ABL2: variants seen among roughly 807,000 people sequenced by gnomAD.
The protein encoded by ABL2 is ABL proto-oncogene 2, non-receptor tyrosine kinase, also known as tyrosine-protein kinase ABL2.
Under a neutral mutation model 107.7 loss-of-function variants are expected in ABL2, and 49 were observed. The ratio of observed to expected loss-of-function variants is 0.45; its 90% CI spans 0.36 to 0.58. The LOEUF (loss-of-function observed/expected upper bound fraction) is 0.58, where lower values mean the gene tolerates loss of function less well. Among genes scored for constraint, ABL2 ranks in the 20% least tolerant of loss-of-function variants. The pLI is 0.00. For missense variants in ABL2, 1,245 were observed against 1,457.0 expected, an observed-to-expected ratio of 0.85 and a Z score of 2.37; for synonymous variants, 549 against 548.6, an observed-to-expected ratio of 1.00 and a Z score of -0.01.
At chr1:179,153,688 C>CT (rs1349103223) in intron 1 of ABL2, among the ~76,000 whole-genome samples, 1 of 152,100 alleles carries the variant, frequency 6.6e-6, no homozygotes, top group African/African-American at 2.4e-5. Flanking sequence ...CCACCTGCAA[C>CT]TTTATTTTTG....
rs1653048900 is a variant in ABL2 at position 179,101,055 on chromosome 1, T to G, written c.*6663A>C. On this transcript the variant is annotated 3_prime_UTR_variant, in exon 12 of 12. Coordinates refer to ENST00000502732, the MANE Select transcript of ABL2 (RefSeq NM_007314.4). ...TCAGGAAACCACTTCAAGTGGCGGA[T>G]TCTCACAGATGGAGGATCTGGCCAC... 1 of 232,184 alleles carries G rather than the reference T, an allele frequency of 4.3e-6. No homozygotes were observed. The highest frequency in any genetic ancestry group is 8.5e-6 in the Non-Finnish European group (1 of 117,450). 14.4% of individuals were successfully genotyped at this position (232,184 alleles called of 1,614,324 possible). A position where few individuals can be genotyped will look rare whatever the true frequency, so the allele number is the denominator to read the frequency against.
intron 1 of ABL2, among the ~76,000 whole-genome samples, chr1:179,138,916 G>T (rs1465964609): frequency 6.6e-6 from 1 of 152,196 alleles, no homozygotes; most frequent in African/African-American, 2.4e-5. Context: ...CGTGGGCTTG[G>T]CGGGCCCCGC....
chr1:179,109,482 G>A (rs751903205), intron 11 of ABL2, 41 bp from the exon 12 acceptor site: 14 of 1,565,076 alleles, frequency 8.9e-6, no homozygotes, highest in Non-Finnish European at 1.2e-5. Context: ...AAGACAAGAA[G>A]TGAATCTATT....
chr1:179,157,769 A>G (rs182360744), intron 1 of ABL2, among the ~76,000 whole-genome samples: 2 of 151,628 alleles, frequency 1.3e-5, no homozygotes, highest in East Asian at 3.9e-4. Context: ...CAATGGTGCA[A>G]TCACGGCTTA....
At chr1:179,143,161 C>G in intron 1 of ABL2, 1 of 1,305,084 alleles carries the variant, frequency 7.7e-7, no homozygotes, top group South Asian at 2.0e-5. Context: ...ACTCAGTGGC[C>G]AGAGGGAACC....
At chr1:179,116,526 T>C (rs1461808997) in intron 8 of ABL2, among the ~76,000 whole-genome samples, 1 of 150,548 alleles carries the variant, frequency 6.6e-6, no homozygotes, top group Non-Finnish European at 1.5e-5. Flanking sequence ...TTTTTTTTGT[T>C]TGAGACAGAG....
At chr1:179,153,644 T>C (rs2816186) in intron 1 of ABL2, among the ~76,000 whole-genome samples, 53,713 of 151,904 alleles carry the variant, frequency 0.35, 9,834 homozygotes, top group East Asian at 0.48. Flanking sequence ...CAGGATAAGC[T>C]CCCCATCACA....
chr1:179,205,018 C>T (rs1661876985), intron 1 of ABL2, among the ~76,000 whole-genome samples: 1 of 145,922 alleles, frequency 6.9e-6, no homozygotes, highest in Non-Finnish European at 1.5e-5. Flanking sequence ...AAAGTCATTA[C>T]AACTCTTTTT....
At chr1:179,147,991 T>C (rs1042288537) in intron 1 of ABL2, among the ~76,000 whole-genome samples, 10 of 152,158 alleles carry the variant, frequency 6.6e-5, no homozygotes, top group African/African-American at 9.7e-5. Flanking sequence ...AATTGAAGGT[T>C]TGTGGCAACC....
rs748061721 is a variant in ABL2 at position 179,108,811 on chromosome 1, G to C, written c.2456C>G (p.Ser819Cys). Residue 819 changes from serine to cysteine, a missense_variant, in exon 12 of 12, where the codon TCT becomes TGT. Physicochemically the swap from Ser to Cys is moderately radical, Grantham distance 112. Transcript: ENST00000502732. ...KLQLERTVST[S>C]SQPEENVDRA... is the part of the protein sequence containing the mutation. ...GTCCACATTCTCTTCTGGCTGAGAA[G>C]AGGTGGACACTGTCCTTTCCAGCTG... 1.2e-6 allele frequency: 2 copies of C among 1,614,190 alleles called. No individual in the cohort carries two copies. The highest frequency in any genetic ancestry group is 2.7e-5 in the African/African-American group (2 of 75,056).
chr1:179,180,290 T>C (rs550155529), intron 1 of ABL2, among the ~76,000 whole-genome samples: 6 of 152,096 alleles, frequency 3.9e-5, no homozygotes, highest in African/African-American at 1.2e-4. Flanking sequence ...TGTTAAGGAG[T>C]TGGGACCTCA....
intron 1 of ABL2, among the ~76,000 whole-genome samples, chr1:179,154,572 C>T (rs377599215): frequency 6.6e-6 from 1 of 152,176 alleles, no homozygotes; most frequent in South Asian, 2.1e-4. Context: ...AATTATGTTT[C>T]TTCACCGGGG....
intron 1 of ABL2, among the ~76,000 whole-genome samples, chr1:179,181,336 G>A (rs1660363358): frequency 6.6e-6 from 1 of 152,188 alleles, no homozygotes; most frequent in South Asian, 2.1e-4. Context: ...TTCAACTTGA[G>A]ATTGCAATCT....
chr1:179,108,143 G>A lies in ABL2; in HGVS notation c.3124C>T (p.Pro1042Ser). The change falls in exon 12 of 12, where the codon CCT becomes TCT. Residue 1042 changes from proline (P) to serine (S), a missense_variant. Transcript: ENST00000502732. Reference sequence around the variant, plus strand: ...GTGGGCAGAGGCACTTGAGGTGGAGGCATCACTGGCCTCCCAGCTTTCCCA... The same window carrying A: ...GTGGGCAGAGGCACTTGAGGTGGAGACATCACTGGCCTCCCAGCTTTCCCA... ...ISGKAGRPVM[P>S]PPQVPLPTSS... 1.2e-6 allele frequency: 2 copies of A among 1,614,234 alleles called. No individual in the cohort carries two copies. The highest frequency in any genetic ancestry group is 1.7e-6 in the Non-Finnish European group (2 of 1,180,050).
At position 179,108,279 on chromosome 1, in the gene ABL2, C is replaced by T. The variant is rs150940806; in HGVS notation, c.2988G>A (p.Pro996=). 20 of 1,613,606 alleles carry T rather than the reference C, an allele frequency of 1.2e-5. No individual in the cohort carries two copies. Among genetic ancestry groups the T allele is most frequent in the Non-Finnish European group, 1.6e-5 (19 of 1,179,962 alleles). Residue 996 remains proline (P), a synonymous_variant, in exon 12 of 12, where the codon CCG becomes CCA. Transcript: ENST00000502732. ...CTTCTGTAGGGTCTGAGCAGATGGA[C>T]GGATGCTGCAGTAGTCTCATCACTG... ...PPPVMRLLQH[P]SICSDPTEEP...
chr1:179,124,781 C>T (rs1436928592), intron 4 of ABL2, among the ~76,000 whole-genome samples: 1 of 152,138 alleles, frequency 6.6e-6, no homozygotes, highest in Non-Finnish European at 1.5e-5. Flanking sequence ...CTGAACTATA[C>T]ACAAACAGAA....
At chr1:179,116,511 C>G (rs1557917161) in intron 8 of ABL2, among the ~76,000 whole-genome samples, 1 of 145,582 alleles carries the variant, frequency 6.9e-6, no homozygotes, top group East Asian at 2.0e-4. Flanking sequence ...TTTCTTCTTT[C>G]TTTTTTTTTT....
In ABL2 at chr1:179,145,701, T is replaced by G. The variant is rs531687186; in HGVS notation, c.158-12327A>C. Among the ~76,000 whole-genome samples the G allele has an allele frequency of 1.1e-3, 164 of 152,006 alleles. 1 individual carries two copies. Among genetic ancestry groups the G allele is most frequent in the Middle Eastern group, 6.8e-3 (2 of 294 alleles). ...CAAGTTCAATGCAAAAACTCTGAGG[T>G]AGGAAAAGAACCTGGTATGTACAGG... On this transcript the variant is annotated intron_variant, in intron 1 of 11. Coordinates refer to ENST00000502732, the MANE Select transcript of ABL2 (RefSeq NM_007314.4).
intron 1 of ABL2, among the ~76,000 whole-genome samples, chr1:179,169,455 G>A (rs192607471): frequency 7.2e-5 from 11 of 151,974 alleles, no homozygotes; most frequent in African/African-American, 1.9e-4. Flanking sequence ...GGCTGAGGCA[G>A]GAGAATAGCA....
Sources: gnomAD v4.1 joint callset for allele counts (sites outside exome capture counted in the v4.1 genomes callset) on GRCh38, gnomAD v4.1.1 for gene constraint, MANE v1.5 for transcripts, NCBI Gene and HGNC (gene_info 2026-07-23, HGNC 2026-07-21) for gene names.